The following CORIN variants were observed in gnomAD, a reference collection of about 807,000 sequenced individuals.
CORIN encodes the protein atrial natriuretic peptide-converting enzyme.
A neutral mutation model predicts 125.3 loss-of-function variants in CORIN; 117 were observed. The ratio of observed to expected loss-of-function variants is 0.93; its 90% CI spans 0.80 to 1.09. The LOEUF is 1.09. Ranked by LOEUF, CORIN falls within the 50% of genes least tolerant of loss-of-function variation. CORIN has a pLI of 0.00. For missense variants in CORIN, 1,253 were observed against 1,306.7 expected (o/e 0.96, Z 0.63); for synonymous variants, 450 against 466.4 (o/e 0.96, Z 0.45).
intron 19 of CORIN, among the ~76,000 whole-genome samples, chr4:47,621,017 G>C (rs1290415629): frequency 6.6e-6 from 1 of 151,876 alleles, no homozygotes; most frequent in African/African-American, 2.4e-5. Flanking sequence ...ATTATTTTTT[G>C]CCTCGAATTT....
intron 5 of CORIN, among the ~76,000 whole-genome samples, chr4:47,715,991 A>G (rs1727072465): frequency 6.6e-6 from 1 of 152,228 alleles, no homozygotes; most frequent in Non-Finnish European, 1.5e-5. Flanking sequence ...AAAGGGAAGT[A>G]GAAGAATTTT....
intron 1 of CORIN, among the ~76,000 whole-genome samples, chr4:47,815,180 G>T (rs550588647): frequency 4.3e-4 from 65 of 152,112 alleles, no homozygotes; most frequent in South Asian, 6.2e-4. Context: ...CCGTATCTCC[G>T]TATCTGCAAA....
intron 3 of CORIN, among the ~76,000 whole-genome samples, chr4:47,784,908 A>T (rs923760497): frequency 2.6e-5 from 4 of 152,246 alleles, no homozygotes; most frequent in Non-Finnish European, 5.9e-5. Flanking sequence ...GAAACAGTGG[A>T]ATCCAAACTG....
At chr4:47,803,975 C>G (rs1731656696) in intron 2 of CORIN, among the ~76,000 whole-genome samples, 1 of 152,160 alleles carries the variant, frequency 6.6e-6, no homozygotes, top group Admixed American at 6.6e-5. Flanking sequence ...GATTCATAAT[C>G]AGAATTTATA....
intron 5 of CORIN, among the ~76,000 whole-genome samples, chr4:47,709,056 G>A (rs1383729128): frequency 6.6e-6 from 1 of 152,122 alleles, no homozygotes; most frequent in African/African-American, 2.4e-5. Context: ...GCCTGACGAG[G>A]AGCTTAGCCT....
At chr4:47,802,810 C>T (rs1481253705) in intron 2 of CORIN, among the ~76,000 whole-genome samples, 1 of 152,104 alleles carries the variant, frequency 6.6e-6, no homozygotes, top group Admixed American at 6.5e-5. Flanking sequence ...TTGGGTAAGA[C>T]TCAGTGTTGT....
intron 2 of CORIN, among the ~76,000 whole-genome samples, chr4:47,805,734 A>C (rs1375903240): frequency 1.3e-5 from 2 of 152,250 alleles, no homozygotes; most frequent in African/African-American, 2.4e-5. Flanking sequence ...AATATCTATT[A>C]ATAGATATGA....
intron 5 of CORIN, among the ~76,000 whole-genome samples, chr4:47,732,086 C>T (rs1727901566): frequency 6.6e-6 from 1 of 151,982 alleles, no homozygotes; most frequent in African/African-American, 2.4e-5. Context: ...ATCATCAGTG[C>T]ATATGTGGCT....
Position 47,643,190 on chromosome 4 carries a change from T to G in CORIN, c.2024A>C (p.Asp675Ala), listed in dbSNP as rs559650111. The G allele has an allele frequency of 2.5e-6, 4 of 1,614,080 alleles. No homozygotes were observed. The highest frequency in any genetic ancestry group is 2.7e-5 in the African/African-American group (2 of 75,042). Residue 675 changes from aspartate (D) to alanine (A), a missense_variant, in exon 15 of 22, where the codon GAT becomes GCT. Coordinates refer to ENST00000273857, the MANE Select transcript of CORIN (RefSeq NM_006587.4). ...HACVSRDLWC[D>A]GEADCSDSSD... The stretch of plus-strand genomic sequence containing the variant: ...ACTGTCTGAGCAGTCGGCTTCACCA[T>G]CACACCACAGGTCACGTGACACACA...
chr4:47,633,161 TAC>T (rs573684061), intron 16 of CORIN, among the ~76,000 whole-genome samples: 97 of 152,214 alleles, frequency 6.4e-4, no homozygotes, highest in African/African-American at 2.2e-3. Context: ...GATCTATAGG[TAC>T]AAATGACAAA....
chr4:47,599,807 C>T (rs1190256674), intron 21 of CORIN, among the ~76,000 whole-genome samples: 1 of 152,134 alleles, frequency 6.6e-6, no homozygotes, highest in African/African-American at 2.4e-5. Flanking sequence ...CCTGCCATCA[C>T]CCTAATGGCT....
intron 7 of CORIN, 87 bp from the exon 8 acceptor site, chr4:47,680,338 G>A (rs1725217127): frequency 1.1e-6 from 1 of 907,174 alleles, no homozygotes; most frequent in Admixed American, 2.0e-5. Flanking sequence ...ATCGAAGAGA[G>A]TCTGTTCCAA....
chr4:47,643,282 A>T, intron 14 of CORIN, 26 bp from the exon 15 acceptor site: 1 of 1,572,636 alleles, frequency 6.4e-7, no homozygotes, highest in Non-Finnish European at 8.6e-7. Flanking sequence ...AAAAGTGAGA[A>T]GGAAAACATT....
chr4:47,594,110 A>G lies in CORIN; in HGVS notation c.*1611T>C, dbSNP rs1456805935. 1.3e-5 allele frequency: 2 copies of G among 152,248 alleles called. No homozygotes were observed. Among genetic ancestry groups the G allele is most frequent in the African/African-American group, 4.8e-5 (2 of 41,568 alleles). The allele number at this position is 152,248 out of a possible 1,614,324, so 9.4% of individuals were successfully genotyped here. A position where few individuals can be genotyped will look rare whatever the true frequency, so the allele number is the denominator to read the frequency against. On this transcript the variant is annotated 3_prime_UTR_variant, in exon 22 of 22. Coordinates refer to ENST00000273857, the MANE Select transcript of CORIN (RefSeq NM_006587.4). ...CTAAAAGTTGATACATTGAGTATGT[A>G]GCTACAACTGTAACAAAACTGACAT... is the stretch of plus-strand genomic sequence containing the variant.
At chr4:47,678,911 C>T (rs1319208724) in intron 8 of CORIN, among the ~76,000 whole-genome samples, 2 of 152,168 alleles carry the variant, frequency 1.3e-5, no homozygotes, top group East Asian at 1.9e-4. Context: ...GGCAAGGACT[C>T]GGAGGACATC....
intron 1 of CORIN, among the ~76,000 whole-genome samples, chr4:47,821,383 TATA>T (rs1393264200): frequency 2.0e-5 from 3 of 150,848 alleles, no homozygotes; most frequent in Non-Finnish European, 3.0e-5. Flanking sequence ...CTTATATATA[TATA>T]ATATTAGAAT....
At chr4:47,759,549 A>C (rs1247284107) in intron 4 of CORIN, among the ~76,000 whole-genome samples, 1 of 152,182 alleles carries the variant, frequency 6.6e-6, no homozygotes, top group Non-Finnish European at 1.5e-5. Context: ...AAAATGATCA[A>C]AAAAACCTGA....
intron 3 of CORIN, among the ~76,000 whole-genome samples, chr4:47,775,344 A>T (rs544564291): frequency 6.6e-6 from 1 of 151,948 alleles, no homozygotes; most frequent in Non-Finnish European, 1.5e-5. Flanking sequence ...CATTAGGTAT[A>T]TCTCCTAATG....
At position 47,801,658 on chromosome 4, in the gene CORIN, G is replaced by A. The variant is rs536584668; in HGVS notation, c.208+5245C>T. On this transcript the variant is annotated intron_variant, in intron 2 of 21. Transcript: ENST00000273857. ...TGCAGCAATTATGAGGCTTTGCATT[G>A]AGCTCAGTGCTGCCCTGTCACAGCA... Among the ~76,000 whole-genome samples the A allele has an allele frequency of 9.8e-5, 15 of 152,290 alleles. 1 individual carries two copies. The highest frequency in any genetic ancestry group is 3.4e-4 in the African/African-American group (14 of 41,554).
Sources: allele counts gnomAD v4.1 joint callset (sites outside exome capture counted in the v4.1 genomes callset), GRCh38; gene constraint gnomAD v4.1.1; transcripts MANE v1.5; gene names NCBI Gene and HGNC (gene_info 2026-07-23, HGNC 2026-07-21).